Variants in SLC25A48 observed in about 807,000 individuals in gnomAD.
SLC25A48 encodes CTC-321K16.1.
In SLC25A48, 29 loss-of-function variants were observed where a neutral mutation model predicts 32.2. The observed-to-expected ratio is 0.90, with a 90% confidence interval of 0.67 to 1.23. The LOEUF (loss-of-function observed/expected upper bound fraction) is 1.23. Among genes scored for constraint, SLC25A48 ranks in the 50% most tolerant of loss-of-function variants. The pLI, the probability that SLC25A48 is intolerant of heterozygous loss-of-function variation, is 0.00. For missense variants in SLC25A48, 399 were observed against 422.7 expected (o/e 0.94, Z 0.49); for synonymous variants, 164 against 172.3 (o/e 0.95, Z 0.38).
rs2126852118 is a variant in SLC25A48, at chr5:135,888,405, C to G, written c.*381C>G. 2 of 265,950 alleles carry G rather than the reference C, an allele frequency of 7.5e-6. No individual in the cohort carries two copies. Among genetic ancestry groups the G allele is most frequent in the East Asian group, 1.3e-4 (2 of 15,802 alleles). 16.5% of individuals were successfully genotyped at this position (265,950 alleles called of 1,614,324 possible). On this transcript the variant is annotated 3_prime_UTR_variant, in exon 8 of 8. Coordinates refer to ENST00000681962, the MANE Select transcript of SLC25A48 (RefSeq NM_001349336.2). ...GGCCAGTGAGCTCTGGGCTCAGCCA[C>G]TCCCTCCAGTCTCAAGTAACACGTC...
At chr5:135,611,544 GA>G (rs1243828098) in intron 1 of SLC25A48, among the ~76,000 whole-genome samples, 6 of 73,372 alleles carry the variant, frequency 8.2e-5, no homozygotes, top group African/African-American at 3.2e-4. Context: ...GAAAAGAAAA[GA>G]AAAAAAAGAA....
intron 3 of SLC25A48, among the ~76,000 whole-genome samples, chr5:135,691,736 C>T (rs764508794): frequency 5.3e-5 from 8 of 152,172 alleles, no homozygotes; most frequent in Non-Finnish European, 8.8e-5. Context: ...ATTTAGACTT[C>T]GTGCCCACAC....
chr5:135,854,701 A>G (rs1760165472), intron 4 of SLC25A48, among the ~76,000 whole-genome samples: 1 of 152,204 alleles, frequency 6.6e-6, no homozygotes, highest in Non-Finnish European at 1.5e-5. Context: ...CAATAAGGAT[A>G]TTTCACTATC....
intron 3 of SLC25A48, among the ~76,000 whole-genome samples, chr5:135,690,723 G>A (rs563480212): frequency 1.3e-5 from 2 of 152,300 alleles, no homozygotes; most frequent in East Asian, 3.9e-4. Context: ...AGCTCAGAGA[G>A]GTTGAGTGAC....
chr5:135,716,609 G>A (rs1429088831), intron 3 of SLC25A48, among the ~76,000 whole-genome samples: 1 of 152,208 alleles, frequency 6.6e-6, no homozygotes, highest in African/African-American at 2.4e-5. Flanking sequence ...CTCTTCAAGA[G>A]GTTTCAGGCA....
At chr5:135,747,786 A>G (rs746481673) in intron 3 of SLC25A48, among the ~76,000 whole-genome samples, 1 of 152,206 alleles carries the variant, frequency 6.6e-6, no homozygotes, top group Admixed American at 6.5e-5. Flanking sequence ...AATACTTACT[A>G]TTTGCCATCT....
rs1223594162 is a variant in SLC25A48 at position 135,850,289 on chromosome 5, G to A, written c.91-136G>A. The A allele has an allele frequency of 1.5e-5, 12 of 774,660 alleles. No individual in the cohort carries two copies. In the East Asian group the frequency reaches 2.8e-4, roughly 18 times the overall value. 48.0% of individuals were successfully genotyped at this position (774,660 alleles called of 1,614,324 possible). On this transcript the variant is annotated intron_variant, in intron 2 of 7. Coordinates refer to ENST00000681962, the MANE Select transcript of SLC25A48 (RefSeq NM_001349336.2). ...AGTGCAAGCTGGAGACAGGGCACCA[G>A]CCTGGCCAGGACTGAAACCCAGACC...
chr5:135,678,390 T>C (rs868821327), intron 3 of SLC25A48, among the ~76,000 whole-genome samples: 2 of 152,322 alleles, frequency 1.3e-5, no homozygotes, highest in Middle Eastern at 6.8e-3. Flanking sequence ...TTTTTAATAA[T>C]ATCTATCTCT....
intron 1 of SLC25A48, among the ~76,000 whole-genome samples, chr5:135,586,255 C>T (rs1190390999): frequency 1.3e-5 from 2 of 152,208 alleles, no homozygotes; most frequent in Non-Finnish European, 2.9e-5. Flanking sequence ...CACCCACTAC[C>T]TTCCTGTCTG....
chr5:135,673,094 A>T (rs901191537), intron 3 of SLC25A48, among the ~76,000 whole-genome samples: 12 of 152,182 alleles, frequency 7.9e-5, no homozygotes, highest in Admixed American at 3.9e-4. Context: ...ATTCCACTGT[A>T]TGGATATATC....
chr5:135,684,915 T>C (rs1323946899), intron 3 of SLC25A48, among the ~76,000 whole-genome samples: 1 of 152,148 alleles, frequency 6.6e-6, no homozygotes, highest in Non-Finnish European at 1.5e-5. Flanking sequence ...TATCTCTTCA[T>C]AGACATGCAA....
At chr5:135,774,616 CA>C (rs778975247) in intron 3 of SLC25A48, among the ~76,000 whole-genome samples, 1 of 151,580 alleles carries the variant, frequency 6.6e-6, no homozygotes, top group Non-Finnish European at 1.5e-5. Context: ...TCCTATTATC[CA>C]GAGGGAAAGA....
In SLC25A48 at chr5:135,849,147, C is replaced by T. The variant is rs1436646166; in HGVS notation, c.91-1278C>T. On this transcript the variant is annotated intron_variant, in intron 2 of 7. Transcript: ENST00000681962. ...AGGAAAACATCGCCTGTGATCTTCA[C>T]CTCTGAGATCACCATTTTAACTATA... Among the ~76,000 whole-genome samples the T allele has an allele frequency of 2.0e-5, 3 of 152,214 alleles. No individual in the cohort carries two copies. The East Asian group carries it at 5.8e-4, about 29-fold the overall frequency.
intron 4 of SLC25A48, among the ~76,000 whole-genome samples, chr5:135,869,489 T>C (rs1761476128): frequency 1.3e-5 from 2 of 152,150 alleles, no homozygotes; most frequent in Admixed American, 1.3e-4. Flanking sequence ...ATCTGTACTT[T>C]CAAACAAGCA....
At position 135,761,800 on chromosome 5, in the gene SLC25A48, A is replaced by T. The variant is rs1452079253; in HGVS notation, c.-520-50723A>T. On this transcript the variant is annotated intron_variant, in intron 3 of 10. Transcript: ENST00000646290. ...GGGTCGGTGAGATGGAAGAGGTGAG[A>T]CCTCACTGTCCCCAGGAGCAGGATT... is the stretch of plus-strand genomic sequence containing the variant. 2.6e-5 allele frequency among the ~76,000 whole-genome samples: 4 copies of T among 152,076 alleles called. No homozygotes were observed. In the East Asian group the frequency reaches 7.7e-4, roughly 29 times the overall value.
At chr5:135,819,162 A>AT (rs1757815335) in intron 4 of SLC25A48, among the ~76,000 whole-genome samples, 1 of 152,114 alleles carries the variant, frequency 6.6e-6, no homozygotes, top group Non-Finnish European at 1.5e-5. Context: ...CTAAAAAAAA[A>AT]AATTTGACAA....
At chr5:135,664,117 C>A (rs1753468403) in intron 3 of SLC25A48, among the ~76,000 whole-genome samples, 1 of 152,204 alleles carries the variant, frequency 6.6e-6, no homozygotes, top group African/African-American at 2.4e-5. Context: ...AATTTAGGTT[C>A]TTCAGTTCTC....
chr5:135,683,290 C>A (rs1357670422), intron 3 of SLC25A48, among the ~76,000 whole-genome samples: 1 of 152,152 alleles, frequency 6.6e-6, no homozygotes, highest in East Asian at 1.9e-4. Context: ...AAGAGTCAGA[C>A]CTTATAAAGG....
chr5:135,885,653 A>G (rs545033966), intron 7 of SLC25A48, among the ~76,000 whole-genome samples: 91 of 152,314 alleles, frequency 6.0e-4, no homozygotes, highest in African/African-American at 2.1e-3. Context: ...GAGTCTTCCC[A>G]ATCCTTAGAT....
Sources: allele counts gnomAD v4.1 joint callset (sites outside exome capture counted in the v4.1 genomes callset), GRCh38; gene constraint gnomAD v4.1.1; transcripts MANE v1.5; gene names NCBI Gene and HGNC (gene_info 2026-07-23, HGNC 2026-07-21).